LPIN1: variants seen among roughly 807,000 people sequenced by gnomAD.
LPIN1 encodes phosphatidate phosphatase LPIN1.
A neutral mutation model predicts 107.5 loss-of-function variants in LPIN1; 71 were observed. The observed-to-expected ratio is 0.66, with a 90% confidence interval of 0.55 to 0.80. The LOEUF is 0.80. LPIN1 is among the 30% of genes least tolerant of loss of function. LPIN1 has a pLI of 0.00. For missense variants in LPIN1, 1,043 were observed against 1,160.6 expected, an observed-to-expected ratio of 0.90 and a Z score of 1.47; for synonymous variants, 445 against 452.6, an observed-to-expected ratio of 0.98 and a Z score of 0.21.
At chr2:11,759,193 T>TTTC (rs1669222336) in intron 1 of LPIN1, among the ~76,000 whole-genome samples, 2 of 133,490 alleles carry the variant, frequency 1.5e-5, no homozygotes, top group Non-Finnish European at 1.6e-5. Context: ...TTCTTTCTTT[T>TTTC]CTTTCTTTCT....
chr2:11,743,640 A>ACTGGTGC (rs951045417), upstream of LPIN1, among the ~76,000 whole-genome samples: 2 of 152,188 alleles, frequency 1.3e-5, no homozygotes, highest in African/African-American at 2.4e-5. The surrounding 1 kb of genome is among the most constrained non-coding windows in gnomAD (Gnocchi z 4.7). Flanking sequence ...AGCCCCAGGC[A>ACTGGTGC]CTGGTGCCAG....
intron 14 of LPIN1, among the ~76,000 whole-genome samples, chr2:11,802,311 G>A (rs1389673113): frequency 6.6e-6 from 1 of 152,222 alleles, no homozygotes; most frequent in African/African-American, 2.4e-5. Flanking sequence ...GTCTAGAAGA[G>A]TTAGGGGCAC....
chr2:11,786,787 G>A lies in LPIN1; in HGVS notation c.1550-287G>A, dbSNP rs1164956882. 6.6e-6 allele frequency among the ~76,000 whole-genome samples: 1 copy of A among 152,226 alleles called. No homozygotes were observed. Among genetic ancestry groups the A allele is most frequent in the South Asian group, 2.1e-4 (1 of 4,838 alleles). ...TGACTCTGCCTGTGCAGATGCACGT[G>A]TGTGCTGTTTTCACCCCTACTCCCT... On this transcript the variant is annotated intron_variant, in intron 10 of 20. Coordinates refer to ENST00000674199, the MANE Select transcript of LPIN1 (RefSeq NM_001349206.2). The surrounding 1 kb of genome is among the most constrained non-coding windows in gnomAD (Gnocchi z 4.1).
chr2:11,716,812 C>G (rs752217284), intron 2 of LPIN1, among the ~76,000 whole-genome samples: 5 of 152,192 alleles, frequency 3.3e-5, no homozygotes, highest in Non-Finnish European at 7.3e-5. Context: ...GCTCTATCCC[C>G]AAACAAGATT....
chr2:11,798,542 A>T (rs1217069425), intron 14 of LPIN1, among the ~76,000 whole-genome samples: 1 of 152,202 alleles, frequency 6.6e-6, no homozygotes, highest in Non-Finnish European at 1.5e-5. Context: ...CGATACAATC[A>T]TATTCAAATG....
At chr2:11,785,382 G>T (rs1674374370) in intron 10 of LPIN1, among the ~76,000 whole-genome samples, 1 of 152,198 alleles carries the variant, frequency 6.6e-6, no homozygotes, top group African/African-American at 2.4e-5. Context: ...TAAATTAGAG[G>T]GTGTCGGCAG....
At chr2:11,705,228 A>G (rs1663069330) in intron 1 of LPIN1, among the ~76,000 whole-genome samples, 1 of 152,084 alleles carries the variant, frequency 6.6e-6, no homozygotes, top group Non-Finnish European at 1.5e-5. Context: ...CCATCCCCCA[A>G]CACTTTAGCT....
chr2:11,769,820 G>C (rs1386603290), intron 3 of LPIN1, among the ~76,000 whole-genome samples: 1 of 152,176 alleles, frequency 6.6e-6, no homozygotes, highest in Non-Finnish European at 1.5e-5. Context: ...ACTTGAACTA[G>C]TTCCTTTCCA....
intron 7 of LPIN1, among the ~76,000 whole-genome samples, chr2:11,781,275 TC>T (rs940263434): frequency 8.5e-5 from 13 of 152,358 alleles, no homozygotes; most frequent in African/African-American, 3.1e-4. Context: ...GATTTACCTG[TC>T]CACAGCTATG....
intron 1 of LPIN1, among the ~76,000 whole-genome samples, chr2:11,680,041 G>A (rs904237737): frequency 1.3e-5 from 2 of 152,228 alleles, no homozygotes; most frequent in Admixed American, 6.5e-5. Flanking sequence ...TGGGCCCAGA[G>A]TTGGGGCTTC....
At chr2:11,708,646 C>T (rs1663250180) in intron 1 of LPIN1, among the ~76,000 whole-genome samples, 1 of 152,148 alleles carries the variant, frequency 6.6e-6, no homozygotes, top group Admixed American at 6.5e-5. Context: ...TGGAGACCAG[C>T]TGTGTTGCAC....
intron 1 of LPIN1, among the ~76,000 whole-genome samples, chr2:11,704,884 G>A (rs1469543663): frequency 6.6e-6 from 1 of 152,188 alleles, no homozygotes; most frequent in African/African-American, 2.4e-5. Flanking sequence ...CTGGACACTG[G>A]GGACTAGCTA....
In LPIN1 at chr2:11,685,344, G is replaced by A. The variant is rs532569315; in HGVS notation, c.81+7616G>A. Among the ~76,000 whole-genome samples the A allele has an allele frequency of 1.1e-4, 16 of 152,294 alleles. No homozygotes were observed. The East Asian group carries it at 2.7e-3, about 26-fold the overall frequency. ...AGGCCAGCATGGAGGCATTGGCCTCGACCCCACCTTGGGGTGTCATGTTAA... is the reference window on the plus strand; with the variant it reads ...AGGCCAGCATGGAGGCATTGGCCTCAACCCCACCTTGGGGTGTCATGTTAA... On this transcript the variant is annotated intron_variant, in intron 1 of 21. Transcript: ENST00000449576.
intron 12 of LPIN1, among the ~76,000 whole-genome samples, chr2:11,790,379 C>T (rs1211278747): frequency 2.0e-5 from 3 of 152,214 alleles, no homozygotes; most frequent in Non-Finnish European, 4.4e-5. Flanking sequence ...CCGTACACAT[C>T]GTCTGCTCAG....
chr2:11,793,833 C>T (rs1283902513), intron 13 of LPIN1, among the ~76,000 whole-genome samples: 2 of 152,062 alleles, frequency 1.3e-5, no homozygotes, highest in African/African-American at 2.4e-5. Context: ...TGTCTAGACC[C>T]GAAACTTCAT....
intron 1 of LPIN1, among the ~76,000 whole-genome samples, chr2:11,739,651 A>C (rs1485226362): frequency 1.3e-5 from 2 of 152,236 alleles, no homozygotes; most frequent in Admixed American, 6.5e-5. Flanking sequence ...ACAAAGCACA[A>C]CACTGTTTAA....
At chr2:11,807,565 A>T (rs1043348126) in intron 17 of LPIN1, among the ~76,000 whole-genome samples, 2 of 146,552 alleles carry the variant, frequency 1.4e-5, no homozygotes, top group Non-Finnish European at 3.0e-5. Context: ...CAGAAGAGAG[A>T]TCTTCTTGAA....
chr2:11,736,344 G>T (rs1027804200), intron 1 of LPIN1, among the ~76,000 whole-genome samples: 1 of 152,212 alleles, frequency 6.6e-6, no homozygotes, highest in Non-Finnish European at 1.5e-5. Context: ...GGCAGGGTTG[G>T]GTTCTGGTGA....
intron 1 of LPIN1, among the ~76,000 whole-genome samples, chr2:11,764,037 C>A (rs1572662519): frequency 7.9e-6 from 1 of 125,882 alleles, no homozygotes; most frequent in Admixed American, 8.0e-5. Context: ...CCAGCCAGAG[C>A]AAGATCCTAT....
Sources: gnomAD v4.1 joint callset for allele counts (sites outside exome capture counted in the v4.1 genomes callset) on GRCh38, gnomAD v4.1.1 for gene constraint, Gnocchi (gnomAD v3.1) non-coding constraint, MANE v1.5 for transcripts, NCBI Gene and HGNC (gene_info 2026-07-23, HGNC 2026-07-21) for gene names.